RALYL: variants seen among roughly 807,000 people sequenced by gnomAD.
RALYL encodes RALY RNA binding protein like.
Under a neutral mutation model 35.1 loss-of-function variants are expected in RALYL, and 29 were observed. That is an observed-to-expected ratio of 0.83 (90% CI 0.61 to 1.13). The LOEUF (loss-of-function observed/expected upper bound fraction) is 1.13, where lower values mean the gene tolerates loss of function less well. Among genes scored for constraint, RALYL ranks in the 50% most tolerant of loss-of-function variants. RALYL has a pLI of 0.00. For synonymous variants in RALYL, 120 were observed against 127.6 expected (o/e 0.94, Z 0.40); for missense variants, 359 against 360.4 (o/e 1.00, Z 0.03).
chr8:84,649,459 A>G (rs1369670617), intron 2 of RALYL, among the ~76,000 whole-genome samples: 1 of 151,788 alleles, frequency 6.6e-6, no homozygotes, highest in African/African-American at 2.4e-5. Flanking sequence ...ATTTTTGTAT[A>G]AGGTGTAAGG....
chr8:84,610,010 G>A (rs929777459), intron 2 of RALYL, among the ~76,000 whole-genome samples: 4 of 151,892 alleles, frequency 2.6e-5, no homozygotes, highest in African/African-American at 7.3e-5. Context: ...CGAAAGACCC[G>A]CCCCCATAAT....
At chr8:84,584,391 T>A (rs942637536) in intron 2 of RALYL, among the ~76,000 whole-genome samples, 4 of 152,022 alleles carry the variant, frequency 2.6e-5, no homozygotes, top group Non-Finnish European at 5.9e-5. Context: ...GATCACGTGG[T>A]CAAGAGATAG....
chr8:84,822,380 G>C (rs975694238), intron 4 of RALYL, among the ~76,000 whole-genome samples: 1 of 152,144 alleles, frequency 6.6e-6, no homozygotes, highest in African/African-American at 2.4e-5. Context: ...ATTTTCTTAA[G>C]TTGCCAGGTT....
chr8:84,220,864 ATATT>A (rs1052441494), intron 1 of RALYL, among the ~76,000 whole-genome samples: 127 of 152,080 alleles, frequency 8.4e-4, no homozygotes, highest in African/African-American at 3.0e-3. Flanking sequence ...TTTATCATAT[ATATT>A]TACTTTATTA....
At chr8:84,682,816 TG>T (rs201633278) in intron 2 of RALYL, among the ~76,000 whole-genome samples, 45 of 152,060 alleles carry the variant, frequency 3.0e-4, no homozygotes, top group African/African-American at 1.1e-3. Flanking sequence ...GATTTTTTGA[TG>T]GGTTTTTTTT....
chr8:84,788,264 C>A (rs1344516198), intron 3 of RALYL, among the ~76,000 whole-genome samples: 1 of 152,098 alleles, frequency 6.6e-6, no homozygotes, highest in Non-Finnish European at 1.5e-5. Context: ...GCCAATGGAA[C>A]AGAACAGATG....
chr8:84,905,213 A>T (rs182957996), intron 8 of RALYL, among the ~76,000 whole-genome samples: 1 of 152,084 alleles, frequency 6.6e-6, no homozygotes, highest in Non-Finnish European at 1.5e-5. Context: ...ACTCAGCATA[A>T]TCTCCTCAAG....
chr8:84,463,837 A>C (rs369143979), intron 1 of RALYL, among the ~76,000 whole-genome samples: 1 of 152,066 alleles, frequency 6.6e-6, no homozygotes, highest in African/African-American at 2.4e-5. Context: ...GCACATAGTC[A>C]TGTACCCACA....
chr8:84,899,748 T>C (rs1845357454), intron 8 of RALYL, among the ~76,000 whole-genome samples: 1 of 152,152 alleles, frequency 6.6e-6, no homozygotes, highest in Non-Finnish European at 1.5e-5. Context: ...AAATATTGTC[T>C]CCCACGAGTG....
chr8:84,577,431 A>G (rs1809731566), intron 2 of RALYL, among the ~76,000 whole-genome samples: 1 of 152,176 alleles, frequency 6.6e-6, no homozygotes. Context: ...CTGGCAGAGA[A>G]GGAAGTTGGG....
At chr8:84,463,827 G>T (rs1277019364) in intron 1 of RALYL, among the ~76,000 whole-genome samples, 2 of 152,068 alleles carry the variant, frequency 1.3e-5, no homozygotes, top group African/African-American at 4.8e-5. Flanking sequence ...TTTAACAGAT[G>T]CACATAGTCA....
chr8:84,690,594 A>T (rs1589033458), intron 2 of RALYL, among the ~76,000 whole-genome samples: 2 of 152,256 alleles, frequency 1.3e-5, no homozygotes, highest in East Asian at 3.9e-4. Flanking sequence ...AAACATATAC[A>T]ATTATAAATT....
chr8:84,238,964 T>A (rs1045154866), intron 1 of RALYL, among the ~76,000 whole-genome samples: 4 of 152,224 alleles, frequency 2.6e-5, no homozygotes, highest in African/African-American at 9.6e-5. Flanking sequence ...GTGGTTCTAC[T>A]GTGGACCATG....
intron 1 of RALYL, among the ~76,000 whole-genome samples, chr8:84,203,996 T>C (rs1458557606): frequency 6.6e-6 from 1 of 152,110 alleles, no homozygotes; most frequent in Non-Finnish European, 1.5e-5. Context: ...TGTATGTGTG[T>C]GTGTGTATGT....
intron 1 of RALYL, among the ~76,000 whole-genome samples, chr8:84,227,792 G>T (rs982723989): frequency 6.6e-6 from 1 of 152,014 alleles, no homozygotes; most frequent in Non-Finnish European, 1.5e-5. Flanking sequence ...TCAAATCTTA[G>T]AAATCACTTT....
chr8:84,195,390 A>G (rs1415744875), intron 1 of RALYL, among the ~76,000 whole-genome samples: 1 of 152,150 alleles, frequency 6.6e-6, no homozygotes, highest in Admixed American at 6.6e-5. Flanking sequence ...CAGTGAGCCA[A>G]GATCGCACCA....
At chr8:84,419,847 C>T (rs1206863401) in intron 1 of RALYL, among the ~76,000 whole-genome samples, 1 of 151,642 alleles carries the variant, frequency 6.6e-6, no homozygotes, top group Non-Finnish European at 1.5e-5. Context: ...TTTCCAATTT[C>T]ATCCATGTCC....
At chr8:84,742,108 A>C (rs748913834) in intron 2 of RALYL, among the ~76,000 whole-genome samples, 1 of 152,022 alleles carries the variant, frequency 6.6e-6, no homozygotes, top group Non-Finnish European at 1.5e-5. Context: ...AACATTTTCT[A>C]TTACAAGTTT....
intron 1 of RALYL, among the ~76,000 whole-genome samples, chr8:84,218,350 T>C (rs554899936): frequency 6.6e-6 from 1 of 152,114 alleles, no homozygotes; most frequent in African/African-American, 2.4e-5. Context: ...ACTTCCTATA[T>C]ATCATCAAGC....
Sources: gnomAD v4.1 joint callset for allele counts (sites outside exome capture counted in the v4.1 genomes callset) on GRCh38, gnomAD v4.1.1 for gene constraint, MANE v1.5 for transcripts, NCBI Gene and HGNC (gene_info 2026-07-23, HGNC 2026-07-21) for gene names.